The following FER1L6 variants were observed in gnomAD, a reference collection of about 807,000 sequenced individuals.
The protein encoded by FER1L6 is fer-1 like family member 6.
In FER1L6, 177 loss-of-function variants were observed where a neutral mutation model predicts 219.2. The ratio of observed to expected loss-of-function variants is 0.81; its 90% CI spans 0.71 to 0.91. FER1L6 has a LOEUF of 0.91. FER1L6 is among the 40% of genes least tolerant of loss of function. The pLI is 0.00. For synonymous variants in FER1L6, 768 were observed against 824.3 expected (o/e 0.93, Z 1.17); for missense variants, 2,153 against 2,259.9 (o/e 0.95, Z 0.96).
Position 124,017,645 on chromosome 8 carries a change from C to G in FER1L6, c.1940C>G (p.Ala647Gly), listed in dbSNP as rs1818258177. The G allele has an allele frequency of 6.2e-7, 1 of 1,612,758 alleles. No individual in the cohort carries two copies. The highest frequency in any genetic ancestry group is 1.7e-5 in the Admixed American group (1 of 59,922). ...ISRSSAFISEAEKKPKMLNQT... is the reference protein window; with the variant it reads ...ISRSSAFISEGEKKPKMLNQT... ...TCTTATAGTGCCTTTATCTCTGAAGCAGAAAAAAAGCCCAAGATGTTGAAC... is the reference window on the plus strand; with the variant it reads ...TCTTATAGTGCCTTTATCTCTGAAGGAGAAAAAAAGCCCAAGATGTTGAAC... The change falls in exon 16 of 41, where the codon GCA (alanine) becomes GGA (glycine). Residue 647 changes from alanine to glycine, a missense_variant. By Grantham distance (60) the Ala-to-Gly change is moderately conservative. Transcript: ENST00000522917.
At chr8:123,953,950 G>A (rs1814898980) in intron 1 of FER1L6, among the ~76,000 whole-genome samples, 1 of 152,184 alleles carries the variant, frequency 6.6e-6, no homozygotes, top group Non-Finnish European at 1.5e-5. Flanking sequence ...AGAGATTCCT[G>A]GGAGATTTAG....
chr8:123,902,852 T>C (rs1290932062), intron 1 of FER1L6, among the ~76,000 whole-genome samples: 5 of 152,200 alleles, frequency 3.3e-5, no homozygotes, highest in African/African-American at 1.2e-4. Flanking sequence ...TTTTTTGTTG[T>C]TGTTGTTGTT....
intron 1 of FER1L6, chr8:123,939,208 A>T: frequency 2.0e-6 from 2 of 984,626 alleles, no homozygotes. Flanking sequence ...GCTAAATAAC[A>T]CATCTTGTCC....
chr8:123,883,151 C>A (rs2129669268), intron 1 of FER1L6, among the ~76,000 whole-genome samples: 1 of 152,234 alleles, frequency 6.6e-6, no homozygotes, highest in African/African-American at 2.4e-5. Flanking sequence ...AAGGTGTGAA[C>A]AATGGTAAGA....
At chr8:123,867,614 C>G (rs1163040272) in intron 1 of FER1L6, among the ~76,000 whole-genome samples, 1 of 152,120 alleles carries the variant, frequency 6.6e-6, no homozygotes, top group Non-Finnish European at 1.5e-5. Context: ...TACCTACCTT[C>G]TATGGTTGTT....
At chr8:123,966,864 G>A (rs1021363035) in intron 5 of FER1L6, among the ~76,000 whole-genome samples, 10 of 152,156 alleles carry the variant, frequency 6.6e-5, no homozygotes, top group East Asian at 1.9e-4. Context: ...TGCGGATCAC[G>A]AGCTCAGGAG....
At chr8:124,016,990 A>G (rs1818231035) in intron 15 of FER1L6, among the ~76,000 whole-genome samples, 1 of 152,168 alleles carries the variant, frequency 6.6e-6, no homozygotes, top group Admixed American at 6.5e-5. Context: ...AAGAGTGACT[A>G]TCTCCCAACA....
At chr8:123,966,319 T>G in intron 5 of FER1L6, 29 bp downstream of exon 5, 1 of 1,612,810 alleles carries the variant, frequency 6.2e-7, no homozygotes, top group East Asian at 2.2e-5. Flanking sequence ...CCACAGCTTT[T>G]GCACTAAGAT....
chr8:123,898,772 T>TATATATAAGTATATAC (rs1812801881), intron 1 of FER1L6, among the ~76,000 whole-genome samples: 1 of 102,132 alleles, frequency 9.8e-6, no homozygotes, highest in Non-Finnish European at 2.4e-5. Flanking sequence ...TATATATGTG[T>TATATATAAGTATATAC]ATATATACGT....
intron 1 of FER1L6, among the ~76,000 whole-genome samples, chr8:123,918,221 A>T (rs1327902687): frequency 2.0e-5 from 3 of 151,914 alleles, no homozygotes; most frequent in Non-Finnish European, 2.9e-5. Flanking sequence ...AGGTGGAAGA[A>T]TTGCTTGAGC....
chr8:124,069,042 T>C (rs551372245), intron 28 of FER1L6, among the ~76,000 whole-genome samples: 7 of 151,980 alleles, frequency 4.6e-5, no homozygotes, highest in Non-Finnish European at 8.8e-5. Context: ...GTTCACACTA[T>C]TCTCCTGCCT....
intron 11 of FER1L6, among the ~76,000 whole-genome samples, chr8:123,981,853 G>A (rs1438649635): frequency 6.6e-6 from 1 of 152,156 alleles, no homozygotes; most frequent in Non-Finnish European, 1.5e-5. Flanking sequence ...GGTTAAATGA[G>A]GAAATGCATG....
chr8:124,083,109 T>C (rs1232244715), intron 33 of FER1L6, among the ~76,000 whole-genome samples: 2 of 152,120 alleles, frequency 1.3e-5, no homozygotes, highest in South Asian at 2.1e-4. Flanking sequence ...TCAGGGTAAA[T>C]GGGATATCTA....
chr8:124,014,893 A>G (rs560089593), intron 15 of FER1L6, among the ~76,000 whole-genome samples: 1 of 152,326 alleles, frequency 6.6e-6, no homozygotes, highest in South Asian at 2.1e-4. Flanking sequence ...CCTTTGGGTC[A>G]GAGTCTCTCC....
Position 124,118,956 on chromosome 8 carries a change from T to G in FER1L6, c.5390+12T>G, listed in dbSNP as rs541472252. 9 of 1,607,424 alleles carry G rather than the reference T, an allele frequency of 5.6e-6. No individual in the cohort carries two copies. The African/African-American group carries it at 6.7e-5, about 12-fold the overall frequency. On this transcript the variant is annotated intron_variant, in intron 40 of 40. Coordinates refer to ENST00000522917, the MANE Select transcript of FER1L6 (RefSeq NM_001039112.2). ...CTGGCCAAGCCCAAGTGAGTGGAGTTGCTAGTGGGAACATCAGAAATGGGA... is the reference window on the plus strand; with the variant it reads ...CTGGCCAAGCCCAAGTGAGTGGAGTGGCTAGTGGGAACATCAGAAATGGGA...
chr8:124,003,451 C>CTTTTTT (rs71289633), intron 13 of FER1L6, 104 bp downstream of exon 13: 6 of 111,794 alleles, frequency 5.4e-5, no homozygotes, highest in Admixed American at 1.5e-4. Context: ...CAGAAATGTC[C>CTTTTTT]TTTTTTTTTT....
chr8:124,057,793 GTTC>G lies in FER1L6; in HGVS notation c.2875-2381_2875-2379del, dbSNP rs774614949. ...CTCTTTTTTAAAACCTATTCACTAA[GTTC>G]TTCTTTCCAGTGACTAAATTTTCAG... On this transcript the variant is annotated intron_variant, in intron 22 of 40. Transcript: ENST00000522917. Among the ~76,000 whole-genome samples, 117 of 152,100 alleles carry G rather than the reference GTTC, an allele frequency of 7.7e-4. 1 individual carries two copies. The highest frequency in any genetic ancestry group is 2.7e-3 in the African/African-American group (111 of 41,508).
At position 123,975,990 on chromosome 8, in the gene FER1L6, A is replaced by C; in HGVS notation, c.776A>C (p.Asn259Thr). 6.2e-7 allele frequency: 1 copy of C among 1,614,108 alleles called. No individual in the cohort carries two copies. Among genetic ancestry groups the C allele is most frequent in the Non-Finnish European group, 8.5e-7 (1 of 1,179,978 alleles). ...AAAGCAGAAGGGTTGCCCAAAATGA[A>C]TTCAAGCATCATGGCGAACGTCACC... is the stretch of plus-strand genomic sequence containing the variant. ...LYKAEGLPKM[N>T]SSIMANVTKA... Residue 259 changes from asparagine to threonine, a missense_variant, in exon 9 of 41, where the codon AAT becomes ACT. Asn to Thr is a moderately conservative substitution (Grantham distance 65). Coordinates refer to ENST00000522917, the MANE Select transcript of FER1L6 (RefSeq NM_001039112.2).
At chr8:124,062,546 C>T (rs143054259) in intron 25 of FER1L6, among the ~76,000 whole-genome samples, 2 of 152,326 alleles carry the variant, frequency 1.3e-5, no homozygotes, top group East Asian at 3.9e-4. Context: ...CTATAATTTT[C>T]ATTTGTTTTC....
Sources: gnomAD v4.1 joint callset for allele counts (sites outside exome capture counted in the v4.1 genomes callset) on GRCh38, gnomAD v4.1.1 for gene constraint, MANE v1.5 for transcripts, NCBI Gene and HGNC (gene_info 2026-07-23, HGNC 2026-07-21) for gene names.